The following XPNPEP3 variants were observed in gnomAD, a reference collection of about 807,000 sequenced individuals.
XPNPEP3 encodes the protein X-prolyl aminopeptidase 3.
A neutral mutation model predicts 60.0 loss-of-function variants in XPNPEP3; 41 were observed. The observed-to-expected ratio is 0.68, with a 90% CI of 0.53 to 0.89. The LOEUF is 0.89. XPNPEP3 is among the 40% of genes least tolerant of loss of function. XPNPEP3 has a pLI of 0.00. For missense variants in XPNPEP3, 598 were observed against 638.9 expected (o/e 0.94, Z 0.69); for synonymous variants, 212 against 223.2 (o/e 0.95, Z 0.45).
intron 1 of XPNPEP3, among the ~76,000 whole-genome samples, chr22:40,868,422 T>TGTGTGC (rs956585376): frequency 9.6e-5 from 14 of 146,354 alleles, no homozygotes; most frequent in South Asian, 4.2e-4. Flanking sequence ...TTATTATATA[T>TGTGTGC]GTGTGCGTGT....
intron 4 of XPNPEP3, among the ~76,000 whole-genome samples, chr22:40,896,263 G>A (rs1216622680): frequency 6.6e-6 from 1 of 151,986 alleles, no homozygotes; most frequent in Non-Finnish European, 1.5e-5. Context: ...TCCTGAGCTC[G>A]AGCACTCTGC....
intron 4 of XPNPEP3, among the ~76,000 whole-genome samples, chr22:40,906,757 C>T (rs1288137777): frequency 6.6e-6 from 1 of 152,180 alleles, no homozygotes; most frequent in East Asian, 1.9e-4. Flanking sequence ...TATGTTTGTC[C>T]TGCTATTACA....
intron 4 of XPNPEP3, among the ~76,000 whole-genome samples, chr22:40,895,010 T>G (rs1420538988): frequency 1.3e-5 from 2 of 152,200 alleles, no homozygotes; most frequent in African/African-American, 4.8e-5. Context: ...TTCAGCCCTG[T>G]TGACCAACTC....
chr22:40,874,949 C>T (rs1004859804), intron 2 of XPNPEP3, among the ~76,000 whole-genome samples: 2 of 152,186 alleles, frequency 1.3e-5, no homozygotes, highest in Admixed American at 6.6e-5. Context: ...TTATCATCAT[C>T]ACCACCATCA....
intron 2 of XPNPEP3, chr22:40,870,321 G>T (rs1001683125): frequency 3.9e-6 from 1 of 259,644 alleles, no homozygotes; most frequent in Non-Finnish European, 7.8e-6. Context: ...CTTAAACCTA[G>T]TAATTATATT....
intron 1 of XPNPEP3, among the ~76,000 whole-genome samples, chr22:40,868,620 C>T (rs986181277): frequency 2.0e-5 from 3 of 151,982 alleles, no homozygotes; most frequent in Non-Finnish European, 4.4e-5. Flanking sequence ...TTTGGGAGGC[C>T]GAGGTGGGCG....
chr22:40,861,883 T>C (rs1569012535), intron 1 of XPNPEP3: 1 of 1,613,898 alleles, frequency 6.2e-7, no homozygotes, highest in Non-Finnish European at 8.5e-7. Flanking sequence ...TCTTCTTTAT[T>C]TTCTGGATTT....
At position 40,886,281 on chromosome 22, in the gene XPNPEP3, T is replaced by C. The variant is rs763900823; in HGVS notation, c.590-32T>C. On this transcript the variant is annotated intron_variant, in intron 3 of 9. Coordinates refer to ENST00000357137, the MANE Select transcript of XPNPEP3 (RefSeq NM_022098.4). ...TATTTCTTGTTGCTGGTAGTTTTGT[T>C]TTAAATTTATTTTTCGGCTTCTCAT... is the stretch of plus-strand genomic sequence containing the variant. 1.9e-6 allele frequency: 3 copies of C among 1,609,700 alleles called. No homozygotes were observed. In the South Asian group the frequency reaches 3.3e-5, roughly 18 times the overall value.
chr22:40,922,567 T>C, intron 8 of XPNPEP3, 54 bp downstream of exon 8: 1 of 1,593,552 alleles, frequency 6.3e-7, no homozygotes, highest in Non-Finnish European at 8.6e-7. Flanking sequence ...TGCTGCTAGG[T>C]TTTTACCCTA....
intron 1 of XPNPEP3, 103 bp downstream of exon 1, chr22:40,857,348 C>T (rs768293069): frequency 7.0e-5 from 89 of 1,273,202 alleles, no homozygotes; most frequent in Non-Finnish European, 9.7e-5. Context: ...CTGGTGGGGC[C>T]TCCGCTCCCC....
intron 1 of XPNPEP3, among the ~76,000 whole-genome samples, chr22:40,864,735 G>A (rs1304041056): frequency 3.3e-5 from 5 of 152,112 alleles, no homozygotes; most frequent in East Asian, 1.9e-4. Context: ...ATGAGCCACC[G>A]CACCCAGCTG....
intron 7 of XPNPEP3, chr22:40,917,992 CA>C (rs1182973770): frequency 7.1e-6 from 1 of 140,234 alleles, no homozygotes; most frequent in Non-Finnish European, 1.5e-5. Flanking sequence ...GCCTAGGCAG[CA>C]GAGTGAGACT....
chr22:40,877,027 C>G (rs1291652802), intron 2 of XPNPEP3, among the ~76,000 whole-genome samples: 1 of 152,194 alleles, frequency 6.6e-6, no homozygotes, highest in African/African-American at 2.4e-5. Context: ...CAGTCAGTCT[C>G]CACCTTCATA....
At chr22:40,898,301 C>T (rs1234976008) in intron 4 of XPNPEP3, among the ~76,000 whole-genome samples, 4 of 99,520 alleles carry the variant, frequency 4.0e-5, no homozygotes, top group Admixed American at 1.4e-4. Flanking sequence ...GGTCGGACTG[C>T]GGACTGCAGT....
chr22:40,898,066 T>C (rs1209755372), intron 4 of XPNPEP3, among the ~76,000 whole-genome samples: 1 of 151,762 alleles, frequency 6.6e-6, no homozygotes, highest in South Asian at 2.1e-4. Context: ...CCTTTAATGC[T>C]CAAAATGTTT....
At chr22:40,869,202 A>T in intron 2 of XPNPEP3, 87 bp downstream of exon 2, 2 of 1,188,556 alleles carry the variant, frequency 1.7e-6, no homozygotes, top group Non-Finnish European at 2.5e-6. Context: ...TAAGCTCTGG[A>T]TCTGTGCTGT....
intron 4 of XPNPEP3, among the ~76,000 whole-genome samples, chr22:40,906,105 T>C (rs972336410): frequency 7.2e-5 from 11 of 151,978 alleles, no homozygotes; most frequent in Admixed American, 6.6e-5. Context: ...TGTTTGTTTG[T>C]TTGTTTGTTT....
chr22:40,890,172 C>T (rs1477730022), intron 4 of XPNPEP3, among the ~76,000 whole-genome samples: 1 of 152,102 alleles, frequency 6.6e-6, no homozygotes, highest in East Asian at 1.9e-4. Context: ...ATTAATTTTA[C>T]CTGACCCCTA....
At chr22:40,858,655 C>T (rs2057921164) in intron 1 of XPNPEP3, among the ~76,000 whole-genome samples, 1 of 151,398 alleles carries the variant, frequency 6.6e-6, no homozygotes, top group South Asian at 2.1e-4. Context: ...TCTCAGCCTC[C>T]CGAGTAGCTG....
Sources: allele counts gnomAD v4.1 joint callset (sites outside exome capture counted in the v4.1 genomes callset), GRCh38; gene constraint gnomAD v4.1.1; transcripts MANE v1.5; gene names NCBI Gene and HGNC (gene_info 2026-07-23, HGNC 2026-07-21).